EEF2K: variants seen among roughly 807,000 people sequenced by gnomAD.
The protein encoded by EEF2K is eukaryotic elongation factor 2 kinase.
A neutral mutation model predicts 93.8 loss-of-function variants in EEF2K; 70 were observed. That is an observed-to-expected ratio of 0.75 (90% CI 0.62 to 0.91). The LOEUF is 0.91. Ranked by LOEUF, EEF2K falls within the 40% of genes least tolerant of loss-of-function variation. EEF2K has a pLI of 0.00. For synonymous variants in EEF2K, 376 were observed against 380.8 expected (o/e 0.99, Z 0.15); for missense variants, 935 against 972.9 (o/e 0.96, Z 0.52).
chr16:22,234,455 G>C (rs2047146336), intron 2 of EEF2K, among the ~76,000 whole-genome samples: 1 of 152,018 alleles, frequency 6.6e-6, no homozygotes, highest in Non-Finnish European at 1.5e-5. Context: ...TACTCAGGAG[G>C]CTGAGGCAGG....
At chr16:22,274,039 C>T (rs1376993158) in intron 16 of EEF2K, among the ~76,000 whole-genome samples, 1 of 152,204 alleles carries the variant, frequency 6.6e-6, no homozygotes, top group Non-Finnish European at 1.5e-5. Flanking sequence ...GGCGCGGTGG[C>T]TCATGCCTGT....
chr16:22,271,849 G>A (rs1366026386), intron 15 of EEF2K, among the ~76,000 whole-genome samples: 1 of 152,168 alleles, frequency 6.6e-6, no homozygotes, highest in Non-Finnish European at 1.5e-5. Context: ...GGTTGCAATT[G>A]ATGGAGAAGT....
Position 22,280,296 on chromosome 16 carries a change from C to T in EEF2K, c.1988C>T (p.Pro663Leu), listed in dbSNP as rs2047680451. ...GGEYDGMQDEPRYMMLAREAE... is the reference protein window; with the variant it reads ...GGEYDGMQDELRYMMLAREAE... ...GAGTACGACGGAATGCAGGACGAGC[C>T]CCGGTACATGATGCTGGCCAGGGAG... The change falls in exon 17 of 18, where the codon CCC becomes CTC. Residue 663 changes from proline to leucine, a missense_variant. Physicochemically the swap from Pro to Leu is moderately conservative, Grantham distance 98. Transcript: ENST00000263026. 1.2e-6 allele frequency: 2 copies of T among 1,609,020 alleles called. No individual in the cohort carries two copies. Among genetic ancestry groups the T allele is most frequent in the Non-Finnish European group, 8.5e-7 (1 of 1,177,720 alleles).
chr16:22,206,785 TG>T (rs1221426490), intron 1 of EEF2K, 106 bp downstream of exon 1: 1 of 152,654 alleles, frequency 6.6e-6, no homozygotes, highest in African/African-American at 2.4e-5. Context: ...GGTCTGGGCT[TG>T]GGAATGGGGC....
Position 22,283,944 on chromosome 16 carries a change from C to A in EEF2K, c.2126C>A (p.Ala709Asp). 3 of 1,598,192 alleles carry A rather than the reference C, an allele frequency of 1.9e-6. No individual in the cohort carries two copies. Among genetic ancestry groups the A allele is most frequent in the Non-Finnish European group, 2.6e-6 (3 of 1,172,538 alleles). ...ATGGAAGCCATGAAGGGCCGACTGG[C>A]CAACCAGTACTACCAAAAGGCTGAA... The part of the protein sequence containing the change: ...AAMEAMKGRL[A>D]NQYYQKAEEA... Residue 709 changes from alanine (A) to aspartate (D), a missense_variant, in exon 18 of 18, where the codon GCC (alanine) becomes GAC (aspartate). Ala to Asp is a moderately radical substitution (Grantham distance 126). Coordinates refer to ENST00000263026, the MANE Select transcript of EEF2K (RefSeq NM_013302.5).
rs570264688 is a variant in EEF2K, at chr16:22,266,504, G to T, written c.1555G>T (p.Gly519Trp). Reference sequence around the variant, plus strand: ...TGCTCTGGACCTCGAAAAGAAAATCGGGAAGTCCATTTTGGGGAAGGTATC... The same window carrying T: ...TGCTCTGGACCTCGAAAAGAAAATCTGGAAGTCCATTTTGGGGAAGGTATC... ...LNALDLEKKI[G>W]KSILGKVHLA... Residue 519 changes from glycine (G) to tryptophan (W), a missense_variant, in exon 14 of 18, where the codon GGG becomes TGG. Physicochemically the swap from Gly to Trp is radical, Grantham distance 184. Transcript: ENST00000263026. 1.2e-6 allele frequency: 2 copies of T among 1,614,158 alleles called. No individual in the cohort carries two copies. Among genetic ancestry groups the T allele is most frequent in the Non-Finnish European group, 1.7e-6 (2 of 1,180,040 alleles).
At chr16:22,273,127 T>C (rs920115599) in intron 15 of EEF2K, among the ~76,000 whole-genome samples, 1 of 152,212 alleles carries the variant, frequency 6.6e-6, no homozygotes, top group Non-Finnish European at 1.5e-5. Context: ...GTCAGTGTTA[T>C]AGCTTAGGCA....
intron 11 of EEF2K, among the ~76,000 whole-genome samples, chr16:22,261,481 G>A (rs1199433311): frequency 1.3e-5 from 2 of 151,990 alleles, no homozygotes. Context: ...TTGAGGTCAG[G>A]AATTTGAAGA....
intron 1 of EEF2K, among the ~76,000 whole-genome samples, chr16:22,216,023 A>G (rs1175000164): frequency 6.6e-6 from 1 of 152,226 alleles, no homozygotes; most frequent in Non-Finnish European, 1.5e-5. Context: ...TGGAGACAGC[A>G]GTGCAGACCT....
chr16:22,247,832 TCTC>T (rs2047310512), intron 3 of EEF2K, among the ~76,000 whole-genome samples: 1 of 152,044 alleles, frequency 6.6e-6, no homozygotes, highest in African/African-American at 2.4e-5. Flanking sequence ...CGGCAGCCCT[TCTC>T]CTGTCTAGAC....
At chr16:22,231,281 TA>T (rs1212859058) in intron 2 of EEF2K, among the ~76,000 whole-genome samples, 2 of 151,944 alleles carry the variant, frequency 1.3e-5, no homozygotes, top group African/African-American at 2.4e-5. Context: ...TTTATTTATT[TA>T]TTTTTTGTAT....
At chr16:22,279,925 G>A (rs972885218) in intron 16 of EEF2K, among the ~76,000 whole-genome samples, 2 of 152,178 alleles carry the variant, frequency 1.3e-5, no homozygotes, top group African/African-American at 4.8e-5. Context: ...GAACTTGAGA[G>A]GCGGAGGCTG....
chr16:22,237,980 CT>C (rs902007341), intron 2 of EEF2K, among the ~76,000 whole-genome samples: 9 of 152,014 alleles, frequency 5.9e-5, no homozygotes, highest in African/African-American at 1.9e-4. Flanking sequence ...TTTTTCCCCC[CT>C]AAACAATAGG....
intron 6 of EEF2K, among the ~76,000 whole-genome samples, chr16:22,254,465 G>A (rs1475661856): frequency 6.6e-6 from 1 of 152,144 alleles, no homozygotes; most frequent in Admixed American, 6.5e-5. Context: ...TCCATGGATG[G>A]TCGTTTCCTT....
intron 16 of EEF2K, among the ~76,000 whole-genome samples, chr16:22,276,793 T>C (rs1378462066): frequency 1.3e-5 from 2 of 152,164 alleles, no homozygotes; most frequent in Non-Finnish European, 2.9e-5. Context: ...GCATGGTGGC[T>C]CATGCCTGTA....
chr16:22,221,346 G>C (rs2047009586), intron 1 of EEF2K, among the ~76,000 whole-genome samples: 1 of 151,994 alleles, frequency 6.6e-6, no homozygotes, highest in African/African-American at 2.4e-5. Context: ...CTTTAGCCGG[G>C]CATGGTGGCA....
At chr16:22,209,661 A>G (rs187383963) in intron 1 of EEF2K, among the ~76,000 whole-genome samples, 1 of 152,334 alleles carries the variant, frequency 6.6e-6, no homozygotes. Context: ...ACCCTGATGA[A>G]CTGAGAAGGC....
In EEF2K at chr16:22,284,640, A is replaced by C. The variant is rs1406490612; in HGVS notation, c.*644A>C. 1.3e-5 allele frequency: 2 copies of C among 151,096 alleles called. No homozygotes were observed. The highest frequency in any genetic ancestry group is 2.5e-5 in the African/African-American group (1 of 40,728). 9.4% of individuals were successfully genotyped at this position (151,096 alleles called of 1,614,324 possible). ...TTTTTTTTTGTCACGAGATATAAGA[A>C]AGTGCTTTTTGCCTTGAATGGACAA... On this transcript the variant is annotated 3_prime_UTR_variant, in exon 18 of 18. Transcript: ENST00000263026.
intron 16 of EEF2K, among the ~76,000 whole-genome samples, chr16:22,277,566 C>A (rs1201798491): frequency 6.6e-6 from 1 of 152,178 alleles, no homozygotes; most frequent in Non-Finnish European, 1.5e-5. Context: ...ATGCAGTAGA[C>A]AAATACAGCA....
Sources: gnomAD v4.1 joint callset for allele counts (sites outside exome capture counted in the v4.1 genomes callset) on GRCh38, gnomAD v4.1.1 for gene constraint, MANE v1.5 for transcripts, NCBI Gene and HGNC (gene_info 2026-07-23, HGNC 2026-07-21) for gene names.